Variants in WWP2 observed in about 807,000 individuals in gnomAD.
WWP2 encodes the protein NEDD4-like E3 ubiquitin-protein ligase WWP2.
In WWP2, 57 loss-of-function variants were observed where a neutral mutation model predicts 121.0. The ratio of observed to expected loss-of-function variants is 0.47; its 90% CI spans 0.38 to 0.59. WWP2 has a LOEUF of 0.59. Among genes scored for constraint, WWP2 ranks in the 20% least tolerant of loss-of-function variants. WWP2 has a pLI of 0.00. For missense variants in WWP2, 962 were observed against 1,158.9 expected, an observed-to-expected ratio of 0.83 and a Z score of 2.47; for synonymous variants, 449 against 441.3, an observed-to-expected ratio of 1.02 and a Z score of -0.22.
At chr16:69,909,893 C>T (rs1019996802) in intron 9 of WWP2, 3 of 212,914 alleles carry the variant, frequency 1.4e-5, no homozygotes, top group African/African-American at 4.7e-5. Flanking sequence ...ACAAACTAGT[C>T]GGCACACTAT....
chr16:69,766,223 C>G (rs1012895589), intron 1 of WWP2, among the ~76,000 whole-genome samples: 31 of 152,150 alleles, frequency 2.0e-4, no homozygotes, highest in African/African-American at 7.2e-4. Context: ...TCGTCTCTTC[C>G]TCTCACACCC....
At chr16:69,857,252 C>T (rs919707899) in intron 6 of WWP2, among the ~76,000 whole-genome samples, 2 of 152,124 alleles carry the variant, frequency 1.3e-5, no homozygotes, top group African/African-American at 2.4e-5. Flanking sequence ...CGCTCCACCA[C>T]GCTCAGCTAG....
At chr16:69,852,773 G>A (rs536955809) in intron 6 of WWP2, among the ~76,000 whole-genome samples, 1 of 152,314 alleles carries the variant, frequency 6.6e-6, no homozygotes, top group Admixed American at 6.5e-5. Flanking sequence ...CCAGTCTGCG[G>A]CTTGTCTTCT....
intron 6 of WWP2, among the ~76,000 whole-genome samples, chr16:69,846,806 A>T (rs1230999196): frequency 6.6e-6 from 1 of 152,064 alleles, no homozygotes; most frequent in Non-Finnish European, 1.5e-5. Context: ...AGGTGTAATG[A>T]GAAAAGAGTA....
rs567829345 is a variant in WWP2 at position 69,880,258 on chromosome 16, C to T, written c.704-7781C>T. Among the ~76,000 whole-genome samples, 3 of 149,880 alleles carry T rather than the reference C, an allele frequency of 2.0e-5. No homozygotes were observed. In the South Asian group the frequency reaches 6.3e-4, roughly 31 times the overall value. On this transcript the variant is annotated intron_variant, in intron 7 of 23. Transcript: ENST00000359154. Reference sequence around the variant, plus strand: ...CACAAAGACATTAAGTAAACAGTGTCATTTTTTACTGTGATTTTTTTTTTA... The same window carrying T: ...CACAAAGACATTAAGTAAACAGTGTTATTTTTTACTGTGATTTTTTTTTTA...
chr16:69,840,361 G>A (rs1156658133), intron 5 of WWP2, 98 bp downstream of exon 5: 3 of 1,535,984 alleles, frequency 2.0e-6, no homozygotes, highest in Non-Finnish European at 2.7e-6. Flanking sequence ...AGGCCATCTT[G>A]GTTTGATTCC....
chr16:69,856,632 G>A (rs1280130966), intron 6 of WWP2, among the ~76,000 whole-genome samples: 1 of 152,012 alleles, frequency 6.6e-6, no homozygotes, highest in East Asian at 1.9e-4. Flanking sequence ...AAATTAGCTG[G>A]GTGTGGTGGC....
chr16:69,831,070 G>A (rs1484660390), intron 4 of WWP2, among the ~76,000 whole-genome samples: 2 of 152,192 alleles, frequency 1.3e-5, no homozygotes, highest in Admixed American at 6.5e-5. Flanking sequence ...GCAGGAAGAA[G>A]GAGGCTTGTT....
At chr16:69,798,917 T>C (rs928323313) in intron 3 of WWP2, 88 bp downstream of exon 3, 2 of 1,540,342 alleles carry the variant, frequency 1.3e-6, no homozygotes, top group African/African-American at 2.8e-5. Flanking sequence ...ACAGATTCCC[T>C]GTGGCACCTC....
At chr16:69,817,131 T>C (rs1162548679) in intron 4 of WWP2, among the ~76,000 whole-genome samples, 1 of 152,044 alleles carries the variant, frequency 6.6e-6, no homozygotes, top group African/African-American at 2.4e-5. Flanking sequence ...TATGTATGCC[T>C]TTTTCCCCCC....
chr16:69,918,166 A>G (rs1004531026), intron 10 of WWP2, among the ~76,000 whole-genome samples: 29 of 152,124 alleles, frequency 1.9e-4, no homozygotes, highest in Non-Finnish European at 2.6e-4. Context: ...TGCCCCCTTC[A>G]TTCAAGTCCA....
intron 4 of WWP2, among the ~76,000 whole-genome samples, chr16:69,801,215 A>G (rs2056158843): frequency 6.7e-6 from 1 of 148,260 alleles, no homozygotes. Flanking sequence ...TACTTTAATT[A>G]ATTAATTTTT....
At chr16:69,822,205 G>A (rs149422868) in intron 4 of WWP2, among the ~76,000 whole-genome samples, 4 of 152,158 alleles carry the variant, frequency 2.6e-5, no homozygotes, top group East Asian at 1.9e-4. Flanking sequence ...GAGTTTCTTC[G>A]TGTTGGGTCA....
At chr16:69,878,098 G>A (rs1273674944) in intron 7 of WWP2, among the ~76,000 whole-genome samples, 8 of 152,198 alleles carry the variant, frequency 5.3e-5, no homozygotes, top group Non-Finnish European at 8.8e-5. Flanking sequence ...GTGAGCCACC[G>A]TGCCCAGCCC....
At chr16:69,787,161 C>A in intron 2 of WWP2, 81 bp downstream of exon 2, 4 of 1,214,534 alleles carry the variant, frequency 3.3e-6, no homozygotes, top group South Asian at 1.6e-5. Flanking sequence ...GTCTGGGGAG[C>A]CAAATTTTGT....
chr16:69,806,530 G>A (rs2056277870), intron 4 of WWP2, among the ~76,000 whole-genome samples: 1 of 152,080 alleles, frequency 6.6e-6, no homozygotes, highest in Admixed American at 6.6e-5. Flanking sequence ...AACCAACTGG[G>A]TCTGGCATCT....
At chr16:69,830,785 C>A (rs1321628803) in intron 4 of WWP2, among the ~76,000 whole-genome samples, 1 of 152,186 alleles carries the variant, frequency 6.6e-6, no homozygotes, top group African/African-American at 2.4e-5. Flanking sequence ...ACAGTAAATC[C>A]TGGAATCATC....
At chr16:69,813,695 T>C (rs1278142751) in intron 4 of WWP2, among the ~76,000 whole-genome samples, 1 of 152,140 alleles carries the variant, frequency 6.6e-6, no homozygotes, top group African/African-American at 2.4e-5. Flanking sequence ...TCTTAAACTT[T>C]TGGGCTCTAG....
chr16:69,900,816 GC>G (rs1266953276), intron 8 of WWP2, among the ~76,000 whole-genome samples: 12 of 152,126 alleles, frequency 7.9e-5, no homozygotes, highest in African/African-American at 2.7e-4. Context: ...GAGTCACCGT[GC>G]CTGGCTAGTG....
Sources: allele counts gnomAD v4.1 joint callset (sites outside exome capture counted in the v4.1 genomes callset), GRCh38; gene constraint gnomAD v4.1.1; transcripts MANE v1.5; gene names NCBI Gene and HGNC (gene_info 2026-07-23, HGNC 2026-07-21).